LETMD1: variants seen among roughly 807,000 people sequenced by gnomAD.
LETMD1 encodes LETM1 domain-containing protein 1.
In LETMD1, 30 loss-of-function variants were observed where a neutral mutation model predicts 43.9. The ratio of observed to expected loss-of-function variants is 0.68; its 90% CI spans 0.51 to 0.93. The LOEUF is 0.93. Among genes scored for constraint, LETMD1 ranks in the 40% least tolerant of loss-of-function variants. LETMD1 has a pLI of 0.00. For synonymous variants in LETMD1, 176 were observed against 163.1 expected (o/e 1.08, Z -0.60); for missense variants, 413 against 447.7 (o/e 0.92, Z 0.70).
chr12:51,048,815 A>G, intron 1 of LETMD1: 1 of 600,706 alleles, frequency 1.7e-6, no homozygotes, highest in Non-Finnish European at 2.9e-6. Context: ...CGCTCTCTCC[A>G]GAGGCATACC....
At chr12:51,062,288 T>A (rs1474047432), downstream of LETMD1, 6 of 152,160 alleles carry the variant, frequency 3.9e-5, no homozygotes, top group Non-Finnish European at 5.9e-5. Flanking sequence ...CTTTTGTGTG[T>A]GTGTGTGGTT....
downstream of LETMD1, chr12:51,062,881 T>C (rs2136821209): frequency 6.6e-6 from 1 of 152,668 alleles, no homozygotes. Context: ...GCTGCCTCCT[T>C]TGGCCACAGT....
At chr12:51,051,835 A>G (rs1374638903) in intron 2 of LETMD1, among the ~76,000 whole-genome samples, 1 of 152,232 alleles carries the variant, frequency 6.6e-6, no homozygotes, top group Non-Finnish European at 1.5e-5. Context: ...GACCAGTGAA[A>G]CAGAAGAGGG....
At chr12:51,067,647 A>G in the LETMD1 span, 2 of 1,604,002 alleles carry the variant, frequency 1.2e-6, no homozygotes, top group African/African-American at 1.3e-5. This position sits in a 1 kb window ranked among gnomAD's most constrained non-coding sequence, Gnocchi z 4.1. Context: ...GTGTAGATAT[A>G]CTATCTCAGG....
rs769626749 is a variant in LETMD1 at position 51,058,110 on chromosome 12, A to C, written c.994A>C (p.Ile332Leu). The C allele has an allele frequency of 1.4e-5, 23 of 1,605,680 alleles. No homozygotes were observed. Among genetic ancestry groups the C allele is most frequent in the Non-Finnish European group, 2.6e-6 (3 of 1,172,428 alleles). The stretch of plus-strand genomic sequence containing the variant: ...AACTTGGCTGGGAGAATGGCTGCAG[A>C]TTTCCTGCAGCCTGAAAGGTAAAAC... ...CRTWLGEWLQ[I>L]SCSLKEAELS... The change falls in exon 8 of 9, where the codon ATT becomes CTT. Residue 332 changes from isoleucine (I) to leucine (L), a missense_variant. Transcript: ENST00000262055.
chr12:51,064,807 C>G, downstream of LETMD1: 1 of 612,752 alleles, frequency 1.6e-6, no homozygotes. Context: ...CAAAGCATAG[C>G]ATGCAGTGTG....
chr12:51,049,762 C>T (rs867849220), intron 2 of LETMD1, among the ~76,000 whole-genome samples: 2 of 152,300 alleles, frequency 1.3e-5, no homozygotes, highest in Non-Finnish European at 1.5e-5. Context: ...TAATTAACCC[C>T]TCTTTCCTTG....
intron 2 of LETMD1, chr12:51,049,487 C>A: frequency 3.4e-6 from 1 of 294,086 alleles, no homozygotes; most frequent in South Asian, 5.1e-5. Flanking sequence ...TTGCACACGG[C>A]AGGGATCTGT....
chr12:51,049,495 T>G (rs1945335084), intron 2 of LETMD1: 1 of 281,536 alleles, frequency 3.6e-6, no homozygotes, highest in East Asian at 7.5e-5. Context: ...GGCAGGGATC[T>G]GTGGCTGTAT....
At chr12:51,051,275 G>T (rs1946048147) in intron 2 of LETMD1, among the ~76,000 whole-genome samples, 1 of 150,580 alleles carries the variant, frequency 6.6e-6, no homozygotes, top group Non-Finnish European at 1.5e-5. Context: ...GTGGTGATGG[G>T]CACCTATAAT....
chr12:51,056,217 G>T lies in LETMD1; in HGVS notation c.734G>T (p.Gly245Val). 1 of 1,614,202 alleles carries T rather than the reference G, an allele frequency of 6.2e-7. No homozygotes were observed. The highest frequency in any genetic ancestry group is 8.5e-7 in the Non-Finnish European group (1 of 1,180,032). The change falls in exon 6 of 9, where the codon GGC becomes GTC. Residue 245 changes from glycine (G) to valine (V), a missense_variant. Coordinates refer to ENST00000262055, the MANE Select transcript of LETMD1 (RefSeq NM_015416.5). ...LRECFSNHPL[G>V]MNQLQALHVK... ...GAGTGTTTCTCTAACCATCCTCTGG[G>T]CATGAACCAACTCCAGGCTTTGCAC... is the stretch of plus-strand genomic sequence containing the variant.
In LETMD1 at chr12:51,053,773, C is replaced by A. The variant is rs2136628523; in HGVS notation, c.391-5C>A. The A allele has an allele frequency of 6.2e-7, 1 of 1,605,836 alleles. No homozygotes were observed. The highest frequency in any genetic ancestry group is 8.5e-7 in the Non-Finnish European group (1 of 1,175,484). On this transcript the variant is annotated splice_polypyrimidine_tract_variant and splice_region_variant and intron_variant, in intron 3 of 8. Transcript: ENST00000262055. ...AAAACTGCATCTGTGTTTATTTCTGCTTAGTTCCGCCAAGACGTCACCAAG... is the reference window on the plus strand; with the variant it reads ...AAAACTGCATCTGTGTTTATTTCTGATTAGTTCCGCCAAGACGTCACCAAG...
chr12:51,055,255 A>G (rs1424307241), intron 4 of LETMD1, among the ~76,000 whole-genome samples: 1 of 152,122 alleles, frequency 6.6e-6, no homozygotes, highest in Admixed American at 6.5e-5. Context: ...ATGAGTCATT[A>G]TATCTGATTG....
rs1468350051 is a variant in LETMD1 at position 51,059,904 on chromosome 12, T to C, written c.*473T>C. 2 of 159,430 alleles carry C rather than the reference T, an allele frequency of 1.3e-5. No homozygotes were observed. Among genetic ancestry groups the C allele is most frequent in the African/African-American group, 2.4e-5 (1 of 41,720 alleles). 9.9% of individuals were successfully genotyped at this position (159,430 alleles called of 1,614,324 possible). ...TGGCTGGAGCACATGTGTCCGTGCA[T>C]GTACTTGGGTGTTTCCCTCCATCCT... On this transcript the variant is annotated 3_prime_UTR_variant, in exon 9 of 9. Coordinates refer to ENST00000262055, the MANE Select transcript of LETMD1 (RefSeq NM_015416.5).
downstream of LETMD1, chr12:51,063,580 T>A (rs546362351): frequency 1.4e-5 from 8 of 572,528 alleles, no homozygotes; most frequent in East Asian, 2.3e-4. Flanking sequence ...TGGTACTGTT[T>A]CCCTTTTAAA....
chr12:51,068,066 A>C, the LETMD1 span: 1 of 1,154,092 alleles, frequency 8.7e-7, no homozygotes, highest in African/African-American at 1.5e-5. Flanking sequence ...AACCTTCTGC[A>C]ATCATGGGAA....
intron 7 of LETMD1, chr12:51,057,448 G>A (rs1205554318): frequency 1.3e-5 from 2 of 153,370 alleles, no homozygotes; most frequent in Non-Finnish European, 2.9e-5. Flanking sequence ...TAGGGGGAAG[G>A]AATTGCCCAC....
chr12:51,056,172 A>G lies in LETMD1; in HGVS notation c.689A>G (p.His230Arg), dbSNP rs769497125. ...KIQRGTHPAI[H>R]DILALRECFS... is the part of the protein sequence containing the mutation. ...CAGCGTGGTACCCACCCAGCAATAC[A>G]TGATATCTTGGCTCTGAGAGAGTGT... The change falls in exon 6 of 9, where the codon CAT becomes CGT. Residue 230 changes from histidine to arginine, a missense_variant. Coordinates refer to ENST00000262055, the MANE Select transcript of LETMD1 (RefSeq NM_015416.5). 2.5e-5 allele frequency: 41 copies of G among 1,614,116 alleles called. No individual in the cohort carries two copies. The South Asian group carries it at 4.0e-4, about 16-fold the overall frequency.
chr12:51,055,789 A>C, intron 4 of LETMD1, 46 bp from the exon 5 acceptor site: 2 of 1,423,690 alleles, frequency 1.4e-6, no homozygotes, highest in Non-Finnish European at 1.9e-6. Flanking sequence ...TTCCTCTGAA[A>C]GAAGCCAGTT....
Sources: gnomAD v4.1 joint callset for allele counts (sites outside exome capture counted in the v4.1 genomes callset) on GRCh38, gnomAD v4.1.1 for gene constraint, Gnocchi (gnomAD v3.1) non-coding constraint, MANE v1.5 for transcripts, NCBI Gene and HGNC (gene_info 2026-07-23, HGNC 2026-07-21) for gene names.